Variants in CLYBL observed in about 807,000 individuals in gnomAD.
The protein encoded by CLYBL is citramalyl-CoA lyase, also known as citramalyl-CoA lyase, mitochondrial.
Under a neutral mutation model 38.9 loss-of-function variants are expected in CLYBL, and 31 were observed. That is an observed-to-expected ratio of 0.80 (90% CI 0.60 to 1.08). The LOEUF is 1.08. Among genes scored for constraint, CLYBL ranks in the 50% least tolerant of loss-of-function variants. CLYBL has a pLI of 0.00. For missense variants in CLYBL, 434 were observed against 411.6 expected, an observed-to-expected ratio of 1.05 and a Z score of -0.47; for synonymous variants, 171 against 158.6, an observed-to-expected ratio of 1.08 and a Z score of -0.59.
chr13:99,807,658 G>C (rs1267535635), intron 2 of CLYBL, among the ~76,000 whole-genome samples: 2 of 152,006 alleles, frequency 1.3e-5, no homozygotes, highest in Non-Finnish European at 2.9e-5. Context: ...CCAGGGGCCG[G>C]GGGGGAAGGA....
chr13:99,897,667 C>T (rs569748438), downstream of CLYBL, among the ~76,000 whole-genome samples: 9 of 152,234 alleles, frequency 5.9e-5, no homozygotes, highest in African/African-American at 1.7e-4. Context: ...AAAACTGGGT[C>T]GGGTGCAGTG....
intron 1 of CLYBL, among the ~76,000 whole-genome samples, chr13:99,733,147 GT>G (rs2139577370): frequency 6.6e-6 from 1 of 152,014 alleles, no homozygotes; most frequent in South Asian, 2.1e-4. Context: ...ATTTGTCTTT[GT>G]TTTTCCTCCT....
At chr13:99,844,499 A>G (rs141262919) in intron 2 of CLYBL, among the ~76,000 whole-genome samples, 2 of 152,292 alleles carry the variant, frequency 1.3e-5, no homozygotes, top group Non-Finnish European at 2.9e-5. Flanking sequence ...TTGGGACACC[A>G]TTGGTCCTCT....
chr13:99,636,129 T>C lies in CLYBL; in HGVS notation c.62+29372T>C, dbSNP rs999067693. ...TTTAATTGTGGAATTTCACGTAATGTGAAATTCAAAGCTTTATATATATTT... is the reference window on the plus strand; with the variant it reads ...TTTAATTGTGGAATTTCACGTAATGCGAAATTCAAAGCTTTATATATATTT... On this transcript the variant is annotated intron_variant, in intron 1 of 8. Coordinates refer to ENST00000339105, the MANE Select transcript of CLYBL (RefSeq NM_206808.5). Among the ~76,000 whole-genome samples, 4 of 152,170 alleles carry C rather than the reference T, an allele frequency of 2.6e-5. No individual in the cohort carries two copies. The East Asian group carries it at 7.7e-4, about 29-fold the overall frequency.
At chr13:99,701,635 TA>T (rs1296772929) in intron 1 of CLYBL, among the ~76,000 whole-genome samples, 1 of 152,066 alleles carries the variant, frequency 6.6e-6, no homozygotes, top group Non-Finnish European at 1.5e-5. Context: ...TATTCCCATT[TA>T]ACAAAGGCTT....
intron 1 of CLYBL, among the ~76,000 whole-genome samples, chr13:99,636,570 T>C (rs1410387515): frequency 6.6e-6 from 1 of 152,190 alleles, no homozygotes; most frequent in African/African-American, 2.4e-5. Flanking sequence ...GAGCCATTCC[T>C]CTTGCCAGGG....
intron 1 of CLYBL, among the ~76,000 whole-genome samples, chr13:99,626,454 C>G (rs944045575): frequency 6.6e-6 from 1 of 152,222 alleles, no homozygotes; most frequent in African/African-American, 2.4e-5. Flanking sequence ...CGGCCTCCAT[C>G]AAGTTAGCCT....
intron 1 of CLYBL, among the ~76,000 whole-genome samples, chr13:99,771,741 C>A (rs1052172090): frequency 2.6e-5 from 4 of 152,168 alleles, no homozygotes; most frequent in Non-Finnish European, 4.4e-5. Flanking sequence ...AGTTTAGAAG[C>A]AGGCAGGGGC....
chr13:99,651,381 C>G lies in CLYBL; in HGVS notation c.62+44624C>G, dbSNP rs78524601. Among the ~76,000 whole-genome samples the G allele has an allele frequency of 8.6e-4, 131 of 152,056 alleles. 1 individual carries two copies. In the East Asian group the frequency reaches 0.017, roughly 19 times the overall value. On this transcript the variant is annotated intron_variant, in intron 1 of 8. Transcript: ENST00000339105. ...CGTCAGGAGTTCTAGACTAGACTGG[C>G]CAACATGGCTAAACCCCATCTCTGC...
chr13:99,748,921 G>A (rs944007833), intron 1 of CLYBL, among the ~76,000 whole-genome samples: 4 of 152,232 alleles, frequency 2.6e-5, no homozygotes, highest in Admixed American at 2.6e-4. Flanking sequence ...CAGGTCGCCT[G>A]TAATCCCAAC....
intron 2 of CLYBL, among the ~76,000 whole-genome samples, chr13:99,810,042 A>T (rs1049330902): frequency 6.6e-6 from 1 of 152,214 alleles, no homozygotes; most frequent in African/African-American, 2.4e-5. Context: ...TTTTTTTATT[A>T]TTATCACATG....
chr13:99,628,906 A>G (rs2046905492), intron 1 of CLYBL, among the ~76,000 whole-genome samples: 1 of 152,190 alleles, frequency 6.6e-6, no homozygotes. Context: ...GGCCCTTGCT[A>G]CAAGTGTAAG....
intron 2 of CLYBL, among the ~76,000 whole-genome samples, chr13:99,844,667 G>T (rs2051158478): frequency 6.6e-6 from 1 of 152,198 alleles, no homozygotes; most frequent in Non-Finnish European, 1.5e-5. Context: ...GGGGTGACCT[G>T]TGTCTCAGCT....
intron 2 of CLYBL, among the ~76,000 whole-genome samples, chr13:99,820,513 G>T: frequency 7.5e-6 from 1 of 132,818 alleles, no homozygotes. Context: ...CTACCTAGCT[G>T]TATTTGTCTG....
chr13:99,819,438 AT>A (rs781179670), intron 2 of CLYBL, among the ~76,000 whole-genome samples: 13,768 of 104,936 alleles, frequency 0.13, 2,053 homozygotes, highest in East Asian at 0.22. Flanking sequence ...ATATATATAT[AT>A]ATATATATAT....
intron 1 of CLYBL, among the ~76,000 whole-genome samples, chr13:99,769,291 C>T (rs921013362): frequency 9.9e-5 from 15 of 152,122 alleles, no homozygotes; most frequent in African/African-American, 1.9e-4. Flanking sequence ...AAGCCTTCCC[C>T]GAGAAGTTGC....
chr13:99,790,937 T>C (rs2049903061), intron 2 of CLYBL, among the ~76,000 whole-genome samples: 1 of 152,224 alleles, frequency 6.6e-6, no homozygotes, highest in Non-Finnish European at 1.5e-5. Context: ...AACGGCTTCC[T>C]TCTGAAGCAT....
intron 1 of CLYBL, among the ~76,000 whole-genome samples, chr13:99,657,933 T>A (rs2047351987): frequency 6.6e-6 from 1 of 152,262 alleles, no homozygotes; most frequent in Admixed American, 6.5e-5. Context: ...CTGCTCGCCC[T>A]GAGTCTCCAT....
At chr13:99,785,419 G>C (rs1283424768) in intron 2 of CLYBL, among the ~76,000 whole-genome samples, 6 of 151,104 alleles carry the variant, frequency 4.0e-5, no homozygotes, top group African/African-American at 1.5e-4. Context: ...TCTCTATGTT[G>C]CCCAGGCTTG....
Sources: gnomAD v4.1 joint callset for allele counts (sites outside exome capture counted in the v4.1 genomes callset) on GRCh38, gnomAD v4.1.1 for gene constraint, MANE v1.5 for transcripts, NCBI Gene and HGNC (gene_info 2026-07-23, HGNC 2026-07-21) for gene names.